GRID2: variants seen among roughly 807,000 people sequenced by gnomAD.
GRID2 encodes the protein glutamate receptor ionotropic, delta-2.
In GRID2, 33 loss-of-function variants were observed where a neutral mutation model predicts 114.8. The ratio of observed to expected loss-of-function variants is 0.29; its 90% CI spans 0.22 to 0.38. The LOEUF (loss-of-function observed/expected upper bound fraction) is 0.38. Ranked by LOEUF, GRID2 falls within the 10% of genes least tolerant of loss-of-function variation. The probability of loss-of-function intolerance (pLI) is 1.00; values close to 1 mark genes in which losing one functional copy is unlikely to be tolerated. For synonymous variants in GRID2, 505 were observed against 449.9 expected (o/e 1.12, Z -1.55); for missense variants, 1,184 against 1,257.7 (o/e 0.94, Z 0.89).
At chr4:92,900,437 A>G (rs983418950) in intron 2 of GRID2, among the ~76,000 whole-genome samples, 1 of 152,104 alleles carries the variant, frequency 6.6e-6, no homozygotes, top group African/African-American at 2.4e-5. Context: ...AGTGTTTGCT[A>G]TTTCATACTA....
At chr4:93,286,541 T>G (rs2149136260) in intron 8 of GRID2, among the ~76,000 whole-genome samples, 1 of 152,190 alleles carries the variant, frequency 6.6e-6, no homozygotes, top group Middle Eastern at 3.4e-3. Context: ...TTGCCATAAC[T>G]TCCCCAAGCC....
At chr4:93,112,082 A>G (rs890747682) in intron 4 of GRID2, 1 of 152,130 alleles carries the variant, frequency 6.6e-6, no homozygotes, top group Non-Finnish European at 1.5e-5. Context: ...TTCCAATTTT[A>G]AAGAAGTTGG....
At chr4:93,678,516 G>A (rs1391959038) in intron 14 of GRID2, among the ~76,000 whole-genome samples, 2 of 151,912 alleles carry the variant, frequency 1.3e-5, no homozygotes, top group Admixed American at 6.6e-5. Flanking sequence ...AATGTTAAGG[G>A]CAGCCAGAGA....
chr4:93,762,566 T>C (rs1281457398), intron 14 of GRID2, among the ~76,000 whole-genome samples: 2 of 152,152 alleles, frequency 1.3e-5, no homozygotes, highest in Admixed American at 1.3e-4. Context: ...TTACTTCTTC[T>C]GACCAGAGGA....
At chr4:93,666,424 A>C (rs746169339) in intron 14 of GRID2, among the ~76,000 whole-genome samples, 18 of 152,198 alleles carry the variant, frequency 1.2e-4, no homozygotes, top group East Asian at 5.8e-4. Flanking sequence ...AGAGGTATTT[A>C]AGCATCTAAA....
intron 8 of GRID2, among the ~76,000 whole-genome samples, chr4:93,350,347 A>AC (rs1760680544): frequency 6.6e-6 from 1 of 152,114 alleles, no homozygotes; most frequent in East Asian, 1.9e-4. Flanking sequence ...CCTAGAAGAT[A>AC]CCATTGCACA....
chr4:93,443,744 T>TG (rs1488317893), intron 10 of GRID2, among the ~76,000 whole-genome samples: 2 of 150,846 alleles, frequency 1.3e-5, no homozygotes, highest in African/African-American at 4.9e-5. Flanking sequence ...GAGCTTCATA[T>TG]GGAAAAAAAA....
rs189624982 is a variant in GRID2 at position 92,772,022 on chromosome 4, A to T, written c.244+181736A>T. On this transcript the variant is annotated intron_variant, in intron 2 of 15. Transcript: ENST00000282020. ...TACTGGCCTCCAAAAACGATGATGG[A>T]ACACTGGAAACCTAGCTAATGCTGC... Among the ~76,000 whole-genome samples the T allele has an allele frequency of 9.2e-5, 14 of 152,346 alleles. No individual in the cohort carries two copies. The East Asian group carries it at 2.5e-3, about 27-fold the overall frequency.
intron 8 of GRID2, among the ~76,000 whole-genome samples, chr4:93,380,513 A>G (rs957579177): frequency 6.6e-6 from 1 of 151,410 alleles, no homozygotes; most frequent in South Asian, 2.1e-4. Context: ...ATAATTTTCA[A>G]TTTCAATTAG....
At chr4:92,938,889 T>C (rs1467987752) in intron 2 of GRID2, among the ~76,000 whole-genome samples, 1 of 146,964 alleles carries the variant, frequency 6.8e-6, no homozygotes, top group Non-Finnish European at 1.5e-5. Flanking sequence ...ACAAAGGACA[T>C]GAACTCATCA....
At chr4:93,207,070 G>A (rs34597342) in intron 4 of GRID2, among the ~76,000 whole-genome samples, 27,014 of 151,992 alleles carry the variant, frequency 0.18, 3,214 homozygotes, top group Non-Finnish European at 0.26. Context: ...AGTAGGGAAT[G>A]TGATTTGAAA....
rs61147386 is a variant in GRID2, at chr4:93,713,428, A to AATTTATTT, written c.2361-55759_2361-55752dup. Reference sequence around the variant, plus strand: ...ACTTTGACAGAGATCTTAAATGTGGAATTTATTTATTTATTTATTTATTTA... The same window carrying AATTTATTT: ...ACTTTGACAGAGATCTTAAATGTGGAATTTATTTATTTATTTATTTATTTATTTATTTA... On this transcript the variant is annotated intron_variant, in intron 14 of 15. Coordinates refer to ENST00000282020, the MANE Select transcript of GRID2 (RefSeq NM_001510.4). Among the ~76,000 whole-genome samples the AATTTATTT allele has an allele frequency of 1.7e-3, 256 of 150,344 alleles. 2 individuals are homozygous for AATTTATTT. The highest frequency in any genetic ancestry group is 5.8e-3 in the African/African-American group (236 of 40,468).
intron 1 of GRID2, among the ~76,000 whole-genome samples, chr4:92,584,600 G>A (rs1728336135): frequency 6.6e-6 from 1 of 151,888 alleles, no homozygotes; most frequent in East Asian, 1.9e-4. Context: ...CTTACGATCA[G>A]CATTTTACTA....
At chr4:93,379,943 T>C (rs1763699934) in intron 8 of GRID2, among the ~76,000 whole-genome samples, 1 of 152,082 alleles carries the variant, frequency 6.6e-6, no homozygotes, top group Non-Finnish European at 1.5e-5. Context: ...GATAGTGTTT[T>C]AACTTAACAG....
chr4:93,113,289 A>T (rs1732938690), intron 4 of GRID2, among the ~76,000 whole-genome samples: 1 of 152,196 alleles, frequency 6.6e-6, no homozygotes, highest in African/African-American at 2.4e-5. Flanking sequence ...TACTAACATC[A>T]TCCTTGTTTT....
At chr4:92,390,433 G>C (rs1222934010) in intron 1 of GRID2, among the ~76,000 whole-genome samples, 1 of 152,098 alleles carries the variant, frequency 6.6e-6, no homozygotes, top group Non-Finnish European at 1.5e-5. Context: ...GAGTGAAAAG[G>C]GTGGCTCTCC....
chr4:92,335,374 G>C (rs930107207), intron 1 of GRID2, among the ~76,000 whole-genome samples: 3 of 152,202 alleles, frequency 2.0e-5, no homozygotes, highest in Admixed American at 2.0e-4. Context: ...TTTTCTCACA[G>C]ATTTATTGTC....
intron 4 of GRID2, among the ~76,000 whole-genome samples, chr4:93,133,577 T>A (rs566486149): frequency 6.6e-6 from 1 of 152,346 alleles, no homozygotes; most frequent in South Asian, 2.1e-4. Context: ...AAAAAATTAC[T>A]ATGACTTTCA....
At chr4:93,186,273 G>A (rs1003853892) in intron 4 of GRID2, among the ~76,000 whole-genome samples, 7 of 152,088 alleles carry the variant, frequency 4.6e-5, no homozygotes, top group Admixed American at 1.3e-4. Flanking sequence ...TGGGATGGCT[G>A]GGTCAAATGG....
Sources: allele counts gnomAD v4.1 joint callset (sites outside exome capture counted in the v4.1 genomes callset), GRCh38; gene constraint gnomAD v4.1.1; transcripts MANE v1.5; gene names NCBI Gene and HGNC (gene_info 2026-07-23, HGNC 2026-07-21).